The following ADORA2B variants were observed in gnomAD, a reference collection of about 807,000 sequenced individuals.
ADORA2B encodes adenosine A2b receptor.
In ADORA2B, 18 loss-of-function variants were observed where a neutral mutation model predicts 20.8. That is an observed-to-expected ratio of 0.87 (90% CI 0.60 to 1.29). The LOEUF is 1.29. ADORA2B is among the 50% of genes most tolerant of loss of function. The probability of loss-of-function intolerance (pLI) is 0.00; values close to 1 mark genes in which losing one functional copy is unlikely to be tolerated. For synonymous variants in ADORA2B, 179 were observed against 178.3 expected (o/e 1.00, Z -0.03); for missense variants, 441 against 422.7 (o/e 1.04, Z -0.38).
At chr17:15,856,250 T>C in the ADORA2B span, among the ~76,000 whole-genome samples, 1 of 151,540 alleles carries the variant, frequency 6.6e-6, no homozygotes, top group Non-Finnish European at 1.5e-5. Context: ...ACTCTGTCTT[T>C]CTCTGTCCCC....
At chr17:15,945,878 G>A (rs1969798588) in intron 1 of ADORA2B, among the ~76,000 whole-genome samples, 1 of 152,014 alleles carries the variant, frequency 6.6e-6, no homozygotes, top group South Asian at 2.1e-4. Flanking sequence ...AAACCCCGGG[G>A]AAAGCGTCAC....
chr17:15,948,783 C>T (rs75410178), intron 1 of ADORA2B, among the ~76,000 whole-genome samples: 311 of 152,278 alleles, frequency 2.0e-3, no homozygotes, highest in Middle Eastern at 3.4e-3. Context: ...TCTGCTCTTG[C>T]CACATTGAGG....
the ADORA2B span, among the ~76,000 whole-genome samples, chr17:15,926,812 A>T: frequency 6.6e-6 from 1 of 152,066 alleles, no homozygotes; most frequent in East Asian, 1.9e-4. Flanking sequence ...TTACAAAAAA[A>T]TTTTAAAAAT....
chr17:15,935,687 A>C, the ADORA2B span, among the ~76,000 whole-genome samples: 4 of 152,042 alleles, frequency 2.6e-5, no homozygotes, highest in South Asian at 8.3e-4. Context: ...GTATATTGGT[A>C]CACTTAATGA....
At chr17:15,952,178 C>G (rs909895002) in intron 1 of ADORA2B, among the ~76,000 whole-genome samples, 1 of 152,162 alleles carries the variant, frequency 6.6e-6, no homozygotes, top group African/African-American at 2.4e-5. Context: ...GACCCAATCC[C>G]TGTATCTCAC....
chr17:15,948,409 T>C (rs1338659123), intron 1 of ADORA2B, among the ~76,000 whole-genome samples: 27 of 7,544 alleles, frequency 3.6e-3, no homozygotes, highest in Non-Finnish European at 0.027. Context: ...GGCGGGGGGC[T>C]CCAGTCCCCA....
chr17:15,858,781 G>T, the ADORA2B span: 2 of 162,968 alleles, frequency 1.2e-5, no homozygotes, highest in South Asian at 3.3e-4. Flanking sequence ...GCAAAGGGAT[G>T]ACTCAATGCT....
Position 15,945,489 on chromosome 17 carries a change from C to T in ADORA2B, c.241C>T (p.Leu81Phe), listed in dbSNP as rs780014133. ...FCTDFYGCLF[L>F]ACFVLVLTQS... is the part of the protein sequence containing the mutation. ...CACTGACTTCTACGGCTGCCTCTTC[C>T]TCGCCTGCTTCGTGCTGGTGCTCAC... is the stretch of plus-strand genomic sequence containing the variant. The change falls in exon 1 of 2, where the codon CTC (leucine) becomes TTC (phenylalanine). Residue 81 changes from leucine (L) to phenylalanine (F), a missense_variant. Transcript: ENST00000304222. The T allele has an allele frequency of 6.2e-7, 1 of 1,612,664 alleles. No homozygotes were observed. The highest frequency in any genetic ancestry group is 1.7e-5 in the Admixed American group (1 of 59,980).
chr17:15,933,715 A>C, the ADORA2B span, among the ~76,000 whole-genome samples: 1 of 151,928 alleles, frequency 6.6e-6, no homozygotes, highest in African/African-American at 2.4e-5. Flanking sequence ...TGTTTTGTGG[A>C]TCTCTTAGGG....
the ADORA2B span, among the ~76,000 whole-genome samples, chr17:15,903,515 C>T: frequency 9.2e-5 from 14 of 152,260 alleles, no homozygotes; most frequent in East Asian, 2.5e-3. Flanking sequence ...CTGAATGCTA[C>T]CCAGAGACCC....
chr17:15,865,606 A>G, the ADORA2B span, among the ~76,000 whole-genome samples: 9 of 152,326 alleles, frequency 5.9e-5, no homozygotes, highest in East Asian at 1.7e-3. Context: ...AAAGTCACAC[A>G]GTCACCACTC....
the ADORA2B span, among the ~76,000 whole-genome samples, chr17:15,929,581 A>G: frequency 2.0e-5 from 3 of 152,218 alleles, no homozygotes; most frequent in Non-Finnish European, 4.4e-5. Context: ...TCACAGCAGC[A>G]CTCTGAACAA....
the ADORA2B span, among the ~76,000 whole-genome samples, chr17:15,899,368 T>C: frequency 2.0e-5 from 3 of 152,358 alleles, no homozygotes; most frequent in African/African-American, 7.2e-5. Flanking sequence ...TTTTCTTATA[T>C]GTATATATTC....
intron 1 of ADORA2B, among the ~76,000 whole-genome samples, chr17:15,966,253 A>G (rs557235326): frequency 1.3e-5 from 2 of 152,354 alleles, no homozygotes; most frequent in African/African-American, 4.8e-5. Context: ...GTGTGCATTT[A>G]CTTAGCAATC....
chr17:15,923,878 CTT>C, the ADORA2B span, among the ~76,000 whole-genome samples: 1 of 152,002 alleles, frequency 6.6e-6, no homozygotes, highest in Non-Finnish European at 1.5e-5. Context: ...ATTTTTGTCT[CTT>C]CTTTTGCAGC....
At chr17:15,935,970 G>A in the ADORA2B span, among the ~76,000 whole-genome samples, 3 of 151,042 alleles carry the variant, frequency 2.0e-5, no homozygotes, top group East Asian at 2.0e-4. Context: ...AGGTTCAGGC[G>A]ATCCTCCCAC....
At chr17:15,965,547 C>T (rs746368060) in intron 1 of ADORA2B, among the ~76,000 whole-genome samples, 2 of 152,188 alleles carry the variant, frequency 1.3e-5, no homozygotes, top group Non-Finnish European at 2.9e-5. Flanking sequence ...TCACGCGTGG[C>T]AGGTGGCCAG....
At chr17:15,940,425 G>A (rs1969733797), upstream of ADORA2B, among the ~76,000 whole-genome samples, 1 of 152,206 alleles carries the variant, frequency 6.6e-6, no homozygotes, top group Non-Finnish European at 1.5e-5. Flanking sequence ...GTAGAACGTT[G>A]AGGTACAGTA....
the ADORA2B span, among the ~76,000 whole-genome samples, chr17:15,888,308 G>A: frequency 1.5e-5 from 2 of 129,542 alleles, 1 homozygote; most frequent in South Asian, 4.6e-4. Context: ...TTGGTCACCA[G>A]CCCTCATGGC....
Sources: allele counts gnomAD v4.1 joint callset (sites outside exome capture counted in the v4.1 genomes callset), GRCh38; gene constraint gnomAD v4.1.1; transcripts MANE v1.5; gene names NCBI Gene and HGNC (gene_info 2026-07-23, HGNC 2026-07-21).